Variants in RFPL4AL1 observed in about 807,000 individuals in gnomAD.
The protein encoded by RFPL4AL1 is ret finger protein like 4A like 1, also known as ret finger protein-like 4A-like protein 1.
A neutral mutation model predicts 8.2 loss-of-function variants in RFPL4AL1; 2 were observed. The ratio of observed to expected loss-of-function variants is 0.24; its 90% CI spans 0.10 to 0.77. The LOEUF is 0.77. RFPL4AL1 is among the 30% of genes least tolerant of loss of function. RFPL4AL1 has a pLI of 0.72. For synonymous variants in RFPL4AL1, 25 were observed against 131.8 expected (o/e 0.19, Z 5.55); for missense variants, 57 against 350.3 (o/e 0.16, Z 6.68).
intron 1 of RFPL4AL1, 42 bp from the exon 2 acceptor site, chr19:55,771,754 C>T (rs1347743670): frequency 6.5e-7 from 1 of 1,550,126 alleles, no homozygotes; most frequent in East Asian, 2.4e-5. Flanking sequence ...GTTCATTCAG[C>T]TCGTGGAAAT....
chr19:55,771,366 T>C (rs890638503), intron 1 of RFPL4AL1, among the ~76,000 whole-genome samples: 1 of 152,154 alleles, frequency 6.6e-6, no homozygotes, highest in African/African-American at 2.4e-5. Context: ...TCATTTAAGA[T>C]GTGAGCAACT....
In RFPL4AL1 at chr19:55,769,526, C is replaced by A. The variant is rs543345940; in HGVS notation, c.-10+351C>A. ...CCTTCCCACAACCCCTGGCAACCATCATTCTTCTCTTATTTTCTGATTTTT... is the reference window on the plus strand; with the variant it reads ...CCTTCCCACAACCCCTGGCAACCATAATTCTTCTCTTATTTTCTGATTTTT... On this transcript the variant is annotated intron_variant, in intron 1 of 2. Transcript: ENST00000341750. Among the ~76,000 whole-genome samples the A allele has an allele frequency of 8.6e-5, 13 of 151,448 alleles. No individual in the cohort carries two copies. The East Asian group carries it at 2.5e-3, about 29-fold the overall frequency.
chr19:55,769,715 G>T (rs924622187), intron 1 of RFPL4AL1, among the ~76,000 whole-genome samples: 1 of 151,722 alleles, frequency 6.6e-6, no homozygotes, highest in Admixed American at 6.6e-5. Flanking sequence ...TTGAGACAGG[G>T]TCTCGCTCTG....
chr19:55,770,751 A>C (rs2122664285), intron 1 of RFPL4AL1, among the ~76,000 whole-genome samples: 1 of 152,064 alleles, frequency 6.6e-6, no homozygotes, highest in East Asian at 1.9e-4. Flanking sequence ...TTTTAATGAC[A>C]AGTGGCTAAT....
intron 1 of RFPL4AL1, among the ~76,000 whole-genome samples, chr19:55,770,393 A>C (rs1989468796): frequency 6.6e-6 from 1 of 151,946 alleles, no homozygotes; most frequent in Non-Finnish European, 1.5e-5. Flanking sequence ...AAAGGCAAGA[A>C]GTTTCTATTC....
chr19:55,771,751 C>G lies in RFPL4AL1; in HGVS notation c.-9-45C>G. 1.9e-6 allele frequency: 3 copies of G among 1,549,940 alleles called. No homozygotes were observed. In the South Asian group the frequency reaches 3.6e-5, roughly 18 times the overall value. On this transcript the variant is annotated intron_variant, in intron 1 of 2. Coordinates refer to ENST00000341750, the MANE Select transcript of RFPL4AL1 (RefSeq NM_001277397.2). ...CCCCAAACACTATCAGCTGTTCATT[C>G]AGCTCGTGGAAATTCTAATTCCGTG...
At chr19:55,770,862 T>A (rs1600161502) in intron 1 of RFPL4AL1, among the ~76,000 whole-genome samples, 1 of 151,982 alleles carries the variant, frequency 6.6e-6, no homozygotes, top group East Asian at 1.9e-4. Context: ...AAATTGCATT[T>A]CTCAGATGGT....
chr19:55,769,206 C>T (rs1306552450), intron 1 of RFPL4AL1, 31 bp downstream of exon 1: 2 of 152,126 alleles, frequency 1.3e-5, no homozygotes, highest in Non-Finnish European at 2.9e-5. Flanking sequence ...TTCATTTTTA[C>T]AAAAGGCGTA....
chr19:55,770,668 A>G (rs1434450421), intron 1 of RFPL4AL1, among the ~76,000 whole-genome samples: 1 of 151,954 alleles, frequency 6.6e-6, no homozygotes, highest in Non-Finnish European at 1.5e-5. Context: ...TACTGTGGCA[A>G]TGCTTTGAAA....
intron 1 of RFPL4AL1, among the ~76,000 whole-genome samples, chr19:55,771,219 T>C (rs1390973928): frequency 1.3e-5 from 2 of 151,284 alleles, no homozygotes; most frequent in East Asian, 1.9e-4. Flanking sequence ...GTTGGGGAAG[T>C]AGAAGGTCTT....
At chr19:55,770,721 G>T (rs1181524247) in intron 1 of RFPL4AL1, among the ~76,000 whole-genome samples, 1 of 152,056 alleles carries the variant, frequency 6.6e-6, no homozygotes, top group South Asian at 2.1e-4. Flanking sequence ...ATGAGCCCAG[G>T]TTCCTCCTTG....
chr19:55,770,026 G>C (rs1467599381), intron 1 of RFPL4AL1, among the ~76,000 whole-genome samples: 1 of 151,956 alleles, frequency 6.6e-6, no homozygotes, highest in African/African-American at 2.4e-5. Context: ...ATATCTCTTT[G>C]ATATGCTGAC....
chr19:55,770,107 A>G (rs987911957), intron 1 of RFPL4AL1, among the ~76,000 whole-genome samples: 4 of 151,956 alleles, frequency 2.6e-5, no homozygotes, highest in African/African-American at 7.3e-5. Context: ...TCATGTTTTC[A>G]GAAACCTCCC....
Position 55,772,194 on chromosome 19 carries a change from T to TA in RFPL4AL1, c.286+108dup. 2 of 1,031,042 alleles carry TA rather than the reference T, an allele frequency of 1.9e-6. 1 individual carries two copies. The highest frequency in any genetic ancestry group is 2.8e-6 in the Non-Finnish European group (2 of 725,756). 63.9% of individuals were successfully genotyped at this position (1,031,042 alleles called of 1,614,324 possible). On this transcript the variant is annotated intron_variant, in intron 2 of 2. Transcript: ENST00000341750. ...AGGCATTAGCAGGATATCTAGCATC[T>TA]AAAACTTCCATGCTTCACAAACAAC...
chr19:55,769,612 A>T (rs1383802774), intron 1 of RFPL4AL1, among the ~76,000 whole-genome samples: 1 of 151,844 alleles, frequency 6.6e-6, no homozygotes, highest in Non-Finnish European at 1.5e-5. Flanking sequence ...AATGAAAAGC[A>T]ACGTTTGTTT....
rs1555799526 is a variant in RFPL4AL1, at chr19:55,771,086, G to GGTTTTTTTT, written c.-9-710_-9-709insGTTTTTTTT. Among the ~76,000 whole-genome samples, 9 of 130,372 alleles carry GGTTTTTTTT rather than the reference G, an allele frequency of 6.9e-5. 3 individuals carry two copies. The highest frequency in any genetic ancestry group is 6.3e-5 in the Non-Finnish European group (4 of 63,344). The allele number at this position is 130,372 out of a possible 152,430, so 85.5% of individuals were successfully genotyped here. A position where few individuals can be genotyped will look rare whatever the true frequency, so the allele number is the denominator to read the frequency against. ...TTGGTTTCTTTTAGTTCTGTTTTTT[G>GGTTTTTTTT]TTTTTTTTTTTTTTTTTTTCCGCTA... On this transcript the variant is annotated intron_variant, in intron 1 of 2. Coordinates refer to ENST00000341750, the MANE Select transcript of RFPL4AL1 (RefSeq NM_001277397.2).
intron 1 of RFPL4AL1, among the ~76,000 whole-genome samples, chr19:55,771,086 GTTTTTTT>G (rs74183507): frequency 7.7e-6 from 1 of 130,380 alleles, no homozygotes; most frequent in African/African-American, 3.1e-5. Context: ...TCTGTTTTTT[GTTTTTTT>G]TTTTTTTTTT....
chr19:55,771,086 G>GGTTTTTTTTTTTT lies in RFPL4AL1; in HGVS notation c.-9-710_-9-709insGTTTTTTTTTTTT, dbSNP rs1555799526. Among the ~76,000 whole-genome samples the GGTTTTTTTTTTTT allele has an allele frequency of 3.1e-5, 4 of 130,380 alleles. 1 individual carries two copies. The highest frequency in any genetic ancestry group is 9.2e-5 in the African/African-American group (3 of 32,610). 85.5% of individuals were successfully genotyped at this position (130,380 alleles called of 152,430 possible). The stretch of plus-strand genomic sequence containing the variant: ...TTGGTTTCTTTTAGTTCTGTTTTTT[G>GGTTTTTTTTTTTT]TTTTTTTTTTTTTTTTTTTCCGCTA... On this transcript the variant is annotated intron_variant, in intron 1 of 2. Transcript: ENST00000341750.
At chr19:55,770,995 A>C (rs1280570755) in intron 1 of RFPL4AL1, among the ~76,000 whole-genome samples, 1 of 151,546 alleles carries the variant, frequency 6.6e-6, no homozygotes, top group Non-Finnish European at 1.5e-5. Context: ...TCTTTTTGCT[A>C]CGGCCTTGAA....
Sources: allele counts gnomAD v4.1 joint callset (sites outside exome capture counted in the v4.1 genomes callset), GRCh38; gene constraint gnomAD v4.1.1; transcripts MANE v1.5; gene names NCBI Gene and HGNC (gene_info 2026-07-23, HGNC 2026-07-21).